Variants in GRM5 observed in about 807,000 individuals in gnomAD.
The protein encoded by GRM5 is glutamate metabotropic receptor 5.
GRM5 carries 19 observed loss-of-function variants against 83.1 expected under a neutral mutation model. The observed-to-expected ratio is 0.23, with a 90% CI of 0.16 to 0.34. GRM5 has a LOEUF of 0.34. Among genes scored for constraint, GRM5 ranks in the 10% least tolerant of loss-of-function variants. The pLI is 1.00. For missense variants in GRM5, 1,160 were observed against 1,588.3 expected (o/e 0.73, Z 4.58); for synonymous variants, 675 against 633.6 (o/e 1.07, Z -0.98).
intron 2 of GRM5, among the ~76,000 whole-genome samples, chr11:88,875,182 A>G (rs1944831175): frequency 6.6e-6 from 1 of 151,924 alleles, no homozygotes; most frequent in Non-Finnish European, 1.5e-5. Flanking sequence ...TCAATACACT[A>G]AAACCCTGCT....
chr11:88,937,567 T>C (rs1937941895), intron 2 of GRM5, among the ~76,000 whole-genome samples: 1 of 151,676 alleles, frequency 6.6e-6, no homozygotes, highest in Non-Finnish European at 1.5e-5. Context: ...TGGCTGGATA[T>C]TTACACAAAA....
chr11:88,745,872 A>G (rs1344503234), intron 3 of GRM5, among the ~76,000 whole-genome samples: 2 of 152,208 alleles, frequency 1.3e-5, no homozygotes, highest in African/African-American at 4.8e-5. Flanking sequence ...GCATTCAAGA[A>G]GTAGGCATTT....
intron 3 of GRM5, among the ~76,000 whole-genome samples, chr11:88,737,692 A>C (rs1208037041): frequency 6.6e-6 from 1 of 152,060 alleles, no homozygotes; most frequent in East Asian, 1.9e-4. Flanking sequence ...TTAGAAAATA[A>C]AAAGGAAGGG....
intron 3 of GRM5, among the ~76,000 whole-genome samples, chr11:88,668,571 G>A (rs1940111911): frequency 6.6e-6 from 1 of 151,946 alleles, no homozygotes; most frequent in African/African-American, 2.4e-5. Context: ...TTAGGAAACT[G>A]TCCAGCAATG....
chr11:88,615,882 A>G (rs1275870548), intron 4 of GRM5, among the ~76,000 whole-genome samples: 1 of 152,112 alleles, frequency 6.6e-6, no homozygotes, highest in African/African-American at 2.4e-5. Context: ...AACTCCACAC[A>G]TGGCTGAAGG....
intron 3 of GRM5, among the ~76,000 whole-genome samples, chr11:88,738,899 C>G (rs1487309019): frequency 2.6e-5 from 4 of 152,060 alleles, no homozygotes; most frequent in Non-Finnish European, 5.9e-5. Context: ...GGCTCTTGGT[C>G]ACGCGTTTCT....
chr11:88,646,896 C>CA (rs143740677), intron 4 of GRM5, among the ~76,000 whole-genome samples: 5,760 of 139,866 alleles, frequency 0.041, 293 homozygotes, highest in East Asian at 0.12. Context: ...GTTGCCATTA[C>CA]AAAAAAAAAA....
intron 2 of GRM5, among the ~76,000 whole-genome samples, chr11:88,881,785 A>T (rs1477356850): frequency 6.6e-6 from 1 of 152,198 alleles, no homozygotes; most frequent in Admixed American, 6.5e-5. Context: ...CAGAAAAAAA[A>T]ATCCTTATTG....
chr11:88,578,018 C>T (rs574482622), intron 7 of GRM5, among the ~76,000 whole-genome samples: 13 of 152,010 alleles, frequency 8.6e-5, no homozygotes, highest in East Asian at 3.8e-4. Flanking sequence ...ATATACAAAA[C>T]GGTGTGACTC....
intron 4 of GRM5, among the ~76,000 whole-genome samples, chr11:88,615,848 C>G (rs1331140039): frequency 6.6e-6 from 1 of 151,796 alleles, no homozygotes; most frequent in Non-Finnish European, 1.5e-5. Context: ...GGTTTAGGTC[C>G]CCATCTATCT....
At chr11:88,837,465 G>A (rs1360260403) in intron 3 of GRM5, among the ~76,000 whole-genome samples, 1 of 152,126 alleles carries the variant, frequency 6.6e-6, no homozygotes, top group Non-Finnish European at 1.5e-5. Flanking sequence ...TTAGAACAGT[G>A]CTTGTTAAAT....
chr11:88,800,896 G>T (rs1419560096), intron 3 of GRM5, among the ~76,000 whole-genome samples: 1 of 152,092 alleles, frequency 6.6e-6, no homozygotes, highest in Non-Finnish European at 1.5e-5. Context: ...TTACGTGAAT[G>T]GAAGGAATAT....
In GRM5 at chr11:88,734,395, A is replaced by G. The variant is rs948227017; in HGVS notation, c.912-80992T>C. Reference sequence around the variant, plus strand: ...ACTGTTGGGAGGAATGTAAAATGGTACAGTAGCTATGAAAAACAGAAATAC... The same window carrying G: ...ACTGTTGGGAGGAATGTAAAATGGTGCAGTAGCTATGAAAAACAGAAATAC... On this transcript the variant is annotated intron_variant, in intron 3 of 9. Coordinates refer to ENST00000305447, the MANE Select transcript of GRM5 (RefSeq NM_001143831.3). Among the ~76,000 whole-genome samples, 4 of 152,020 alleles carry G rather than the reference A, an allele frequency of 2.6e-5. No homozygotes were observed. In the East Asian group the frequency reaches 5.8e-4, roughly 22 times the overall value.
chr11:88,930,322 G>A (rs1054951447), intron 2 of GRM5, among the ~76,000 whole-genome samples: 1 of 152,014 alleles, frequency 6.6e-6, no homozygotes, highest in Non-Finnish European at 1.5e-5. Flanking sequence ...GCTGAGGCAG[G>A]ACAATTGCTT....
At position 88,773,531 on chromosome 11, in the gene GRM5, C is replaced by T. The variant is rs568814762; in HGVS notation, c.911+76375G>A. 4.6e-5 allele frequency among the ~76,000 whole-genome samples: 7 copies of T among 152,286 alleles called. No individual in the cohort carries two copies. The South Asian group carries it at 1.4e-3, about 32-fold the overall frequency. On this transcript the variant is annotated intron_variant, in intron 3 of 9. Transcript: ENST00000305447. ...TTAGTCATGAAACCCTTGCCCATGC[C>T]TATGTCCTGAATGGTAATGCCTAGG...
intron 8 of GRM5, among the ~76,000 whole-genome samples, chr11:88,536,344 C>T (rs1309492112): frequency 6.6e-6 from 1 of 152,288 alleles, no homozygotes; most frequent in South Asian, 2.1e-4. Context: ...AGTGACAGAT[C>T]CATATACAAG....
chr11:88,529,214 G>C (rs1318141441), intron 8 of GRM5, among the ~76,000 whole-genome samples: 1 of 151,800 alleles, frequency 6.6e-6, no homozygotes, highest in African/African-American at 2.4e-5. Context: ...CTGTGATAAG[G>C]AGCATATGGG....
intron 2 of GRM5, among the ~76,000 whole-genome samples, chr11:89,041,260 C>T (rs1941526643): frequency 1.3e-5 from 2 of 152,172 alleles, no homozygotes; most frequent in South Asian, 4.1e-4. Context: ...TTGCACATCA[C>T]CAGAGATATT....
At chr11:88,513,999 AC>A (rs1171668555) in intron 9 of GRM5, among the ~76,000 whole-genome samples, 1 of 152,062 alleles carries the variant, frequency 6.6e-6, no homozygotes, top group East Asian at 1.9e-4. Flanking sequence ...ATGAAAGGGA[AC>A]TTTTCTTTAC....
Sources: gnomAD v4.1 joint callset for allele counts (sites outside exome capture counted in the v4.1 genomes callset) on GRCh38, gnomAD v4.1.1 for gene constraint, MANE v1.5 for transcripts, NCBI Gene and HGNC (gene_info 2026-07-23, HGNC 2026-07-21) for gene names.